ARHGAP35: variants seen among roughly 807,000 people sequenced by gnomAD.
ARHGAP35 encodes Rho GTPase activating protein 35.
Under a neutral mutation model 111.1 loss-of-function variants are expected in ARHGAP35, and 15 were observed. The ratio of observed to expected loss-of-function variants is 0.13; its 90% CI spans 0.09 to 0.21. The LOEUF is 0.21. ARHGAP35 is among the 10% of genes least tolerant of loss of function. The pLI is 1.00. For synonymous variants in ARHGAP35, 643 were observed against 710.3 expected (o/e 0.91, Z 1.51); for missense variants, 1,262 against 1,873.0 (o/e 0.67, Z 6.02).
At position 46,999,122 on chromosome 19, in the gene ARHGAP35, C is replaced by A. The variant is rs2056731930; in HGVS notation, c.4037-182C>A. ...CCTGGGACACAGAGGTGGGCCAGAC[C>A]CCTGGGCCAGTGCCACTGCCAGGTG... On this transcript the variant is annotated intron_variant, in intron 5 of 6. Coordinates refer to ENST00000672722, the MANE Select transcript of ARHGAP35 (RefSeq NM_004491.5). The surrounding 1 kb of genome is among the most constrained non-coding windows in gnomAD (Gnocchi z 5.4). 5.0e-6 allele frequency: 3 copies of A among 597,184 alleles called. No individual in the cohort carries two copies. The African/African-American group carries it at 5.6e-5, about 11-fold the overall frequency. 37.0% of individuals were successfully genotyped at this position (597,184 alleles called of 1,614,324 possible). A position where few individuals can be genotyped will look rare whatever the true frequency, so the allele number is the denominator to read the frequency against.
chr19:46,991,478 G>A (rs2056678931), intron 5 of ARHGAP35, among the ~76,000 whole-genome samples: 1 of 152,226 alleles, frequency 6.6e-6, no homozygotes, highest in Non-Finnish European at 1.5e-5. Flanking sequence ...CCTTCCCACA[G>A]CAGCTCTCAC....
At chr19:46,872,628 C>T (rs1480207580) in intron 1 of ARHGAP35, among the ~76,000 whole-genome samples, 2 of 152,100 alleles carry the variant, frequency 1.3e-5, no homozygotes, top group Non-Finnish European at 2.9e-5. Context: ...AGCCTGTAAT[C>T]CCAGCACTTT....
At chr19:46,980,433 G>A (rs541819243) in intron 3 of ARHGAP35, among the ~76,000 whole-genome samples, 1 of 152,122 alleles carries the variant, frequency 6.6e-6, no homozygotes, top group South Asian at 2.1e-4. Context: ...ACTCATTAAT[G>A]ATGTCATTAC....
intron 3 of ARHGAP35, among the ~76,000 whole-genome samples, chr19:46,968,993 G>A (rs1488877442): frequency 2.6e-5 from 4 of 152,096 alleles, no homozygotes; most frequent in African/African-American, 7.2e-5. Flanking sequence ...AGACTGAGGC[G>A]GAAGAATCTC....
rs753550012 is a variant in ARHGAP35, at chr19:46,919,908, T to G, written c.1233T>G (p.Pro411=). 2.5e-6 allele frequency: 4 copies of G among 1,613,982 alleles called. No individual in the cohort carries two copies. Among genetic ancestry groups the G allele is most frequent in the Non-Finnish European group, 3.4e-6 (4 of 1,179,884 alleles). Reference sequence around the variant, plus strand: ...CCTTTGATTTAATGGATACCGTCCCTGCAGAGCAGCTATACGAGGCCCACT... The same window carrying G: ...CCTTTGATTTAATGGATACCGTCCCGGCAGAGCAGCTATACGAGGCCCACT... ...RIPFDLMDTV[P]AEQLYEAHLE... The change falls in exon 2 of 7, where the codon CCT becomes CCG. Residue 411 remains proline, a synonymous_variant. Transcript: ENST00000672722. This position sits in a 1 kb window ranked among gnomAD's most constrained non-coding sequence, Gnocchi z 6.2.
chr19:46,872,918 A>G lies in ARHGAP35; in HGVS notation c.-189+11709A>G, dbSNP rs147079386. 4.1e-3 allele frequency among the ~76,000 whole-genome samples: 631 copies of G among 152,284 alleles called. 14 individuals carry two copies. Among genetic ancestry groups the G allele is most frequent in the Admixed American group, 0.019 (287 of 15,292 alleles). ...AAATTAATTACTAATAATATTACCAAATAATAACAATGAACTGTTTATTAC... is the reference window on the plus strand; with the variant it reads ...AAATTAATTACTAATAATATTACCAGATAATAACAATGAACTGTTTATTAC... On this transcript the variant is annotated intron_variant, in intron 1 of 6. Transcript: ENST00000672722.
chr19:46,916,180 C>T (rs941475118), intron 1 of ARHGAP35, among the ~76,000 whole-genome samples: 3 of 151,994 alleles, frequency 2.0e-5, no homozygotes, highest in Admixed American at 6.6e-5. Flanking sequence ...GTGATGCATC[C>T]GCCTCGGCCT....
intron 3 of ARHGAP35, chr19:46,948,421 T>A (rs1414451979): frequency 6.6e-6 from 1 of 152,238 alleles, no homozygotes; most frequent in Non-Finnish European, 1.5e-5. Context: ...CACTTCTAGG[T>A]ATTTGCCCAA....
At position 46,999,637 on chromosome 19, in the gene ARHGAP35, G is replaced by A. The variant is rs1599876249; in HGVS notation, c.4142+228G>A. 7.3e-6 allele frequency: 4 copies of A among 544,552 alleles called. No homozygotes were observed. In the East Asian group the frequency reaches 1.2e-4, roughly 16 times the overall value. The allele number at this position is 544,552 out of a possible 1,614,324, so 33.7% of individuals were successfully genotyped here. On this transcript the variant is annotated intron_variant, in intron 6 of 6. Transcript: ENST00000672722. The surrounding 1 kb of genome is among the most constrained non-coding windows in gnomAD (Gnocchi z 5.4). The stretch of plus-strand genomic sequence containing the variant: ...GCTCCTGTCTGAGGGCAGCCCACGT[G>A]GCCTCAAACCTGCCTAACACCAGAT...
chr19:46,941,876 T>TAAAAA (rs71179279), intron 3 of ARHGAP35, among the ~76,000 whole-genome samples: 24 of 94,524 alleles, frequency 2.5e-4, no homozygotes, highest in African/African-American at 8.6e-4. Flanking sequence ...CCTGTCTCTT[T>TAAAAA]AAAAAAAAAA....
chr19:46,976,581 C>A (rs1568484937), intron 3 of ARHGAP35, among the ~76,000 whole-genome samples: 1 of 152,266 alleles, frequency 6.6e-6, no homozygotes, highest in South Asian at 2.1e-4. Flanking sequence ...GCTGCTTTGC[C>A]TGGCTGTCCC....
intron 3 of ARHGAP35, among the ~76,000 whole-genome samples, chr19:46,959,084 T>G (rs1327057288): frequency 2.0e-5 from 3 of 152,166 alleles, no homozygotes; most frequent in Admixed American, 6.5e-5. Context: ...AAAAAAAATT[T>G]ATTTATTTAT....
At chr19:46,974,205 T>C (rs2056567651) in intron 3 of ARHGAP35, among the ~76,000 whole-genome samples, 1 of 152,228 alleles carries the variant, frequency 6.6e-6, no homozygotes, top group Non-Finnish European at 1.5e-5. Context: ...CTGACACCAC[T>C]GGGTGTCTGT....
intron 3 of ARHGAP35, among the ~76,000 whole-genome samples, chr19:46,978,850 G>C (rs1190555501): frequency 1.6e-5 from 2 of 124,194 alleles, no homozygotes; most frequent in African/African-American, 6.4e-5. Flanking sequence ...TGTGTGGTGG[G>C]GTGTGTGTAT....
intron 1 of ARHGAP35, among the ~76,000 whole-genome samples, chr19:46,895,291 G>A (rs1009750319): frequency 3.3e-5 from 5 of 151,730 alleles, no homozygotes; most frequent in African/African-American, 1.2e-4. Flanking sequence ...AGCCTCCCGA[G>A]TAGCTGGGAC....
intron 3 of ARHGAP35, among the ~76,000 whole-genome samples, chr19:46,973,313 G>A (rs1278359011): frequency 6.6e-6 from 1 of 152,046 alleles, no homozygotes; most frequent in Non-Finnish European, 1.5e-5. Flanking sequence ...GCAGTGAGTC[G>A]AGATCGTGCC....
chr19:46,885,896 A>T (rs546308517), intron 1 of ARHGAP35, among the ~76,000 whole-genome samples: 70 of 152,292 alleles, frequency 4.6e-4, no homozygotes, highest in Admixed American at 4.1e-3. Context: ...GCTCCTGAGT[A>T]GCTGGGGCTA....
intron 3 of ARHGAP35, among the ~76,000 whole-genome samples, chr19:46,978,684 G>GTGATGTGTGTGT (rs2056596344): frequency 7.1e-6 from 1 of 141,772 alleles, no homozygotes; most frequent in Non-Finnish European, 1.5e-5. Context: ...TTTGTGTGGT[G>GTGATGTGTGTGT]GGATGTGTGT....
chr19:46,893,780 T>C (rs10412675), intron 1 of ARHGAP35, among the ~76,000 whole-genome samples: 3,007 of 152,110 alleles, frequency 0.02, 105 homozygotes, highest in African/African-American at 0.068. Context: ...GTTTGTAATA[T>C]CATCTTCACC....
Sources: gnomAD v4.1 joint callset for allele counts (sites outside exome capture counted in the v4.1 genomes callset) on GRCh38, gnomAD v4.1.1 for gene constraint, Gnocchi (gnomAD v3.1) non-coding constraint, MANE v1.5 for transcripts, NCBI Gene and HGNC (gene_info 2026-07-23, HGNC 2026-07-21) for gene names.